Variants in CD160 observed in about 807,000 individuals in gnomAD.
CD160 encodes CD160 antigen.
In CD160, 11 loss-of-function variants were observed where a neutral mutation model predicts 19.2. That is an observed-to-expected ratio of 0.57 (90% confidence interval 0.36 to 0.95). The LOEUF (loss-of-function observed/expected upper bound fraction) is 0.95. Ranked by LOEUF, CD160 falls within the 40% of genes least tolerant of loss-of-function variation. CD160 has a pLI of 0.01. For synonymous variants in CD160, 75 were observed against 81.1 expected (o/e 0.93, Z 0.40); for missense variants, 182 against 213.2 (o/e 0.85, Z 0.91).
At chr1:145,729,142 T>C (rs1394639407) in intron 3 of CD160, among the ~76,000 whole-genome samples, 1 of 152,152 alleles carries the variant, frequency 6.6e-6, no homozygotes, top group Admixed American at 6.5e-5. Context: ...AGAAATAAAA[T>C]ATAAACCATT....
At position 145,738,640 on chromosome 1, in the gene CD160, T is replaced by C; in HGVS notation, c.*147T>C. ...TAAATATACCAAGAATCTGTGGAAA[T>C]ATAAGCTGGGGCAAATCAGTGTAAT... On this transcript the variant is annotated 3_prime_UTR_variant, in exon 6 of 6. Transcript: ENST00000369288. 1 of 510,718 alleles carries C rather than the reference T, an allele frequency of 2.0e-6. No individual in the cohort carries two copies. The highest frequency in any genetic ancestry group is 7.6e-5 in the South Asian group (1 of 13,126). 31.6% of individuals were successfully genotyped at this position (510,718 alleles called of 1,614,324 possible). A position where few individuals can be genotyped will look rare whatever the true frequency, so the allele number is the denominator to read the frequency against.
At chr1:145,737,131 C>T (rs1657528251) in intron 5 of CD160, 1 of 151,704 alleles carries the variant, frequency 6.6e-6, no homozygotes, top group Non-Finnish European at 1.5e-5. Context: ...CATGGTGGCA[C>T]ACAACTGTAG....
intron 2 of CD160, among the ~76,000 whole-genome samples, chr1:145,726,074 G>A (rs1023137613): frequency 2.0e-5 from 3 of 152,062 alleles, no homozygotes; most frequent in Admixed American, 2.0e-4. Context: ...AAGATACAAC[G>A]AGTGGAAACA....
intron 3 of CD160, among the ~76,000 whole-genome samples, chr1:145,729,116 G>A (rs1317341062): frequency 3.3e-5 from 5 of 152,184 alleles, no homozygotes; most frequent in African/African-American, 1.2e-4. Context: ...CCCTATAGAA[G>A]TTCCAGCTGG....
chr1:145,719,739 C>T (rs587597941), intron 1 of CD160, among the ~76,000 whole-genome samples, 180 bp downstream of exon 1: 22 of 152,340 alleles, frequency 1.4e-4, no homozygotes, highest in Admixed American at 1.3e-3. Context: ...CCAGCATGCT[C>T]GCTTTTCTTC....
At chr1:145,728,573 GGCTCACTGCAACCTCC>G (rs1278673065) in intron 3 of CD160, among the ~76,000 whole-genome samples, 173 bp downstream of exon 3, 1 of 146,556 alleles carries the variant, frequency 6.8e-6, no homozygotes, top group African/African-American at 2.5e-5. Context: ...GCGCGATCTC[GGCTCACTGCAACCTCC>G]GCCTCCCATG....
Position 145,730,989 on chromosome 1 carries a change from A to T in CD160, c.319A>T (p.Ser107Cys). ...CATAAGCCAAGTCACACCGTTGCACAGTGGGACCTACCAGTGTTGTGCCAG... is the reference window on the plus strand; with the variant it reads ...CATAAGCCAAGTCACACCGTTGCACTGTGGGACCTACCAGTGTTGTGCCAG... ...FTISQVTPLH[S>C]GTYQCCARSQ... The change falls in exon 4 of 6, where the codon AGT (serine) becomes TGT (cysteine). Residue 107 changes from serine to cysteine, a missense_variant. Coordinates refer to ENST00000369288, the MANE Select transcript of CD160 (RefSeq NM_007053.4). 6.2e-7 allele frequency: 1 copy of T among 1,614,190 alleles called. No homozygotes were observed. Among genetic ancestry groups the T allele is most frequent in the Non-Finnish European group, 8.5e-7 (1 of 1,180,014 alleles).
chr1:145,728,500 T>C (rs1657146944), intron 3 of CD160, 100 bp downstream of exon 3: 1 of 410,734 alleles, frequency 2.4e-6, no homozygotes, highest in Non-Finnish European at 4.1e-6. Context: ...AACAAAGGAC[T>C]CTTTTTTTTT....
intron 4 of CD160, 32 bp downstream of exon 4, chr1:145,731,102 G>T: frequency 6.5e-7 from 1 of 1,550,096 alleles, no homozygotes; most frequent in South Asian, 1.1e-5. Context: ...ATGCCACCAG[G>T]TGGGACAGTG....
At chr1:145,732,941 T>C (rs1405585833) in intron 4 of CD160, among the ~76,000 whole-genome samples, 1 of 152,152 alleles carries the variant, frequency 6.6e-6, no homozygotes, top group Non-Finnish European at 1.5e-5. Context: ...ATAGAAAATG[T>C]CTAAATTTTA....
intron 2 of CD160, among the ~76,000 whole-genome samples, chr1:145,727,547 T>C (rs1373257723): frequency 1.3e-5 from 2 of 152,086 alleles, no homozygotes; most frequent in Non-Finnish European, 2.9e-5. Flanking sequence ...AAGGAAAAGA[T>C]AGATATGTTG....
chr1:145,720,741 G>A (rs1656805075), intron 1 of CD160, among the ~76,000 whole-genome samples: 2 of 152,172 alleles, frequency 1.3e-5, no homozygotes, highest in African/African-American at 4.8e-5. Flanking sequence ...AAAGCTTTAT[G>A]TGTCATCTAA....
At chr1:145,721,568 T>C (rs1553707799) in intron 1 of CD160, among the ~76,000 whole-genome samples, 1 of 151,730 alleles carries the variant, frequency 6.6e-6, no homozygotes, top group Non-Finnish European at 1.5e-5. Flanking sequence ...CATCAGCCCC[T>C]CCCGCCTGTC....
intron 3 of CD160, among the ~76,000 whole-genome samples, chr1:145,730,042 G>A (rs1553708887): frequency 6.6e-6 from 1 of 152,124 alleles, no homozygotes; most frequent in East Asian, 1.9e-4. Context: ...TCTGAGAGTG[G>A]CCAGGCACAG....
At chr1:145,727,723 T>C (rs946268120) in intron 2 of CD160, among the ~76,000 whole-genome samples, 2 of 152,150 alleles carry the variant, frequency 1.3e-5, no homozygotes, top group Admixed American at 6.6e-5. Flanking sequence ...ATGTGAAGAA[T>C]ATGAACACAC....
In CD160 at chr1:145,730,832, G is replaced by C. The variant is rs1046601426; in HGVS notation, c.162G>C (p.Glu54Asp). 13 of 1,614,196 alleles carry C rather than the reference G, an allele frequency of 8.1e-6. No individual in the cohort carries two copies. The highest frequency in any genetic ancestry group is 1.0e-5 in the Non-Finnish European group (12 of 1,180,016). Reference protein sequence around the residue: ...CTVWHKKEEAEGFVVFLCKDR... With the variant: ...CTVWHKKEEADGFVVFLCKDR... Reference sequence around the variant, plus strand: ...TATGGCATAAGAAAGAAGAGGCTGAGGGGTTTGTAGTGTTTTTGTGCAAGG... The same window carrying C: ...TATGGCATAAGAAAGAAGAGGCTGACGGGTTTGTAGTGTTTTTGTGCAAGG... The change falls in exon 4 of 6, where the codon GAG becomes GAC. Residue 54 changes from glutamate (E) to aspartate (D), a missense_variant. Physicochemically the swap from Glu to Asp is conservative, Grantham distance 45 (BLOSUM62 2). Coordinates refer to ENST00000369288, the MANE Select transcript of CD160 (RefSeq NM_007053.4).
At chr1:145,734,113 C>T (rs1427270682) in intron 4 of CD160, among the ~76,000 whole-genome samples, 2 of 152,158 alleles carry the variant, frequency 1.3e-5, no homozygotes, top group Non-Finnish European at 2.9e-5. Context: ...CACAGCAGTA[C>T]TTAGTGGGGA....
intron 3 of CD160, among the ~76,000 whole-genome samples, chr1:145,730,055 G>A (rs1050939037): frequency 4.6e-5 from 7 of 152,172 alleles, no homozygotes; most frequent in Admixed American, 3.3e-4. Flanking sequence ...AGGCACAGTG[G>A]TTCATGCCTG....
At chr1:145,726,186 A>G (rs1553708364) in intron 2 of CD160, among the ~76,000 whole-genome samples, 1 of 152,194 alleles carries the variant, frequency 6.6e-6, no homozygotes, top group Non-Finnish European at 1.5e-5. Context: ...GGGATTCCTC[A>G]AGGATCTAGA....
Sources: allele counts gnomAD v4.1 joint callset (sites outside exome capture counted in the v4.1 genomes callset), GRCh38; gene constraint gnomAD v4.1.1; transcripts MANE v1.5; gene names NCBI Gene and HGNC (gene_info 2026-07-23, HGNC 2026-07-21).